Variants in HBS1L observed in about 807,000 individuals in gnomAD.
HBS1L encodes HBS1-like protein.
In HBS1L, 55 loss-of-function variants were observed where a neutral mutation model predicts 88.9. The ratio of observed to expected loss-of-function variants is 0.62; its 90% CI spans 0.50 to 0.77. The LOEUF is 0.77. Among genes scored for constraint, HBS1L ranks in the 30% least tolerant of loss-of-function variants. The pLI is 0.00. For missense variants in HBS1L, 741 were observed against 829.3 expected, an observed-to-expected ratio of 0.89 and a Z score of 1.31; for synonymous variants, 267 against 288.5, an observed-to-expected ratio of 0.93 and a Z score of 0.76.
intron 1 of HBS1L, among the ~76,000 whole-genome samples, chr6:135,051,353 G>T (rs187925097): frequency 6.6e-6 from 1 of 152,090 alleles, no homozygotes; most frequent in Non-Finnish European, 1.5e-5. Context: ...ACAGAACATG[G>T]GGGTATATAA....
intron 4 of HBS1L, among the ~76,000 whole-genome samples, chr6:135,022,174 C>A (rs1487672093): frequency 6.6e-6 from 1 of 152,114 alleles, no homozygotes; most frequent in African/African-American, 2.4e-5. Flanking sequence ...CCTCTCCCTT[C>A]ATTCTATTCT....
intron 2 of HBS1L, among the ~76,000 whole-genome samples, chr6:135,042,459 C>G (rs1002481942): frequency 6.6e-6 from 1 of 152,048 alleles, no homozygotes; most frequent in Non-Finnish European, 1.5e-5. Flanking sequence ...CTGAAATTTT[C>G]TCTTCAATAC....
At chr6:135,051,473 C>T (rs1395569243) in intron 1 of HBS1L, among the ~76,000 whole-genome samples, 1 of 152,038 alleles carries the variant, frequency 6.6e-6, no homozygotes, top group East Asian at 1.9e-4. Context: ...CCCTTTTTTT[C>T]TGCTTCCTGG....
At chr6:134,965,714 G>A (rs1774293786) in intron 17 of HBS1L, among the ~76,000 whole-genome samples, 1 of 152,146 alleles carries the variant, frequency 6.6e-6, no homozygotes, top group Non-Finnish European at 1.5e-5. Flanking sequence ...CTAAAAACTG[G>A]TGGAGCAAGA....
At chr6:135,004,539 G>C (rs1775556611) in intron 4 of HBS1L, among the ~76,000 whole-genome samples, 1 of 152,144 alleles carries the variant, frequency 6.6e-6, no homozygotes, top group African/African-American at 2.4e-5. Context: ...CATGAAGCTG[G>C]AGAGATGGGC....
Position 134,966,324 on chromosome 6 carries a change from A to G in HBS1L, c.2043+5T>C. 6.2e-7 allele frequency: 1 copy of G among 1,604,820 alleles called. No individual in the cohort carries two copies. The highest frequency in any genetic ancestry group is 1.1e-5 in the South Asian group (1 of 88,790). On this transcript the variant is annotated splice_donor_5th_base_variant and intron_variant, in intron 17 of 17. Coordinates refer to ENST00000367837, the MANE Select transcript of HBS1L (RefSeq NM_006620.4). ...TATATAATGAGTCACTTTAAAATAA[A>G]ATACCTCAGTGACAACACCAGCAGC...
chr6:135,021,769 C>T (rs1776077755), intron 4 of HBS1L, among the ~76,000 whole-genome samples: 1 of 152,126 alleles, frequency 6.6e-6, no homozygotes, highest in Non-Finnish European at 1.5e-5. Context: ...TTACAACTGG[C>T]TTCTTAACAC....
chr6:135,027,645 A>T (rs1470257795), intron 4 of HBS1L, among the ~76,000 whole-genome samples: 2 of 152,228 alleles, frequency 1.3e-5, no homozygotes, highest in Non-Finnish European at 2.9e-5. Context: ...CCAATCTAAC[A>T]GTTTATTTAA....
chr6:135,016,529 T>C (rs1035079117), intron 4 of HBS1L, among the ~76,000 whole-genome samples: 2 of 152,180 alleles, frequency 1.3e-5, no homozygotes, highest in Non-Finnish European at 1.5e-5. Context: ...GAAAGGTATA[T>C]TCAGGCTCTA....
Position 134,965,277 on chromosome 6 carries a change from C to T in HBS1L, c.*2G>A, listed in dbSNP as rs1456525641. The T allele has an allele frequency of 6.4e-7, 1 of 1,567,136 alleles. No homozygotes were observed. The highest frequency in any genetic ancestry group is 8.7e-7 in the Non-Finnish European group (1 of 1,144,112). The stretch of plus-strand genomic sequence containing the variant: ...CAGAAACGTGGTAGAAATTCTGACC[C>T]ATCATTCTTTTATCTGTTAAAACAA... On this transcript the variant is annotated 3_prime_UTR_variant, in exon 18 of 18. Coordinates refer to ENST00000367837, the MANE Select transcript of HBS1L (RefSeq NM_006620.4).
intron 4 of HBS1L, among the ~76,000 whole-genome samples, chr6:135,027,796 C>T (rs1205667463): frequency 6.7e-6 from 1 of 149,464 alleles, no homozygotes; most frequent in Non-Finnish European, 1.5e-5. Flanking sequence ...TTGAGACAGT[C>T]TCACTCTGTC....
intron 13 of HBS1L, 166 bp downstream of exon 13, chr6:134,982,292 G>T: frequency 1.7e-6 from 1 of 571,842 alleles, no homozygotes. Flanking sequence ...GAAAAAAATC[G>T]TTTAATGTTT....
chr6:135,020,571 C>T (rs1776043441), intron 4 of HBS1L, among the ~76,000 whole-genome samples: 1 of 151,956 alleles, frequency 6.6e-6, no homozygotes, highest in South Asian at 2.1e-4. Context: ...CAAAATCCTT[C>T]AGTGGAGTAT....
At position 135,032,053 on chromosome 6, in the gene HBS1L, T is replaced by C. The variant is rs1345102364; in HGVS notation, c.430+7520A>G. ...AACCTATACTTAAAGAGTGTTTCTA[T>C]GTGAGTCCTAAAAAGTAAAAGAATA... On this transcript the variant is annotated intron_variant, in intron 4 of 17. Transcript: ENST00000367837. Among the ~76,000 whole-genome samples, 6 of 152,002 alleles carry C rather than the reference T, an allele frequency of 3.9e-5. No individual in the cohort carries two copies. In the East Asian group the frequency reaches 9.6e-4, roughly 24 times the overall value.
intron 15 of HBS1L, among the ~76,000 whole-genome samples, chr6:134,975,478 G>A (rs1222610931): frequency 1.3e-5 from 2 of 152,094 alleles, no homozygotes; most frequent in Admixed American, 1.3e-4. Flanking sequence ...GAGCAAATCT[G>A]GAGGCATCAC....
intron 4 of HBS1L, among the ~76,000 whole-genome samples, chr6:135,003,282 T>C (rs1775516315): frequency 6.6e-6 from 1 of 152,196 alleles, no homozygotes; most frequent in South Asian, 2.1e-4. Context: ...ATGAACAAGT[T>C]GAGAGTCTGA....
intron 12 of HBS1L, among the ~76,000 whole-genome samples, chr6:134,984,822 T>C (rs1301526403): frequency 6.6e-6 from 1 of 152,154 alleles, no homozygotes; most frequent in African/African-American, 2.4e-5. Context: ...ATCTTTTAGT[T>C]GCATTTTTAT....
intron 4 of HBS1L, among the ~76,000 whole-genome samples, chr6:135,023,391 C>A (rs1776131323): frequency 1.3e-5 from 2 of 152,098 alleles, no homozygotes; most frequent in South Asian, 4.1e-4. Flanking sequence ...TTGCAGTGAG[C>A]CGATTTCGCG....
At chr6:135,035,906 A>G in intron 4 of HBS1L, 1 of 647,714 alleles carries the variant, frequency 1.5e-6, no homozygotes, top group Non-Finnish European at 1.9e-6. Context: ...CTTAGGACAA[A>G]TGGTTTTTAA....
Sources: gnomAD v4.1 joint callset for allele counts (sites outside exome capture counted in the v4.1 genomes callset) on GRCh38, gnomAD v4.1.1 for gene constraint, MANE v1.5 for transcripts, NCBI Gene and HGNC (gene_info 2026-07-23, HGNC 2026-07-21) for gene names.